CCNY: variants seen among roughly 807,000 people sequenced by gnomAD.
CCNY encodes the protein cyclin Y, also known as cyclin-Y.
In CCNY, 19 loss-of-function variants were observed where a neutral mutation model predicts 42.8. The ratio of observed to expected loss-of-function variants is 0.44; its 90% CI spans 0.31 to 0.65. The LOEUF is 0.65. Among genes scored for constraint, CCNY ranks in the 30% least tolerant of loss-of-function variants. The pLI, the probability that CCNY is intolerant of heterozygous loss-of-function variation, is 0.07. For missense variants in CCNY, 370 were observed against 437.3 expected (o/e 0.85, Z 1.37); for synonymous variants, 165 against 162.7 (o/e 1.01, Z -0.11).
At chr10:35,430,148 T>A (rs1052568090) in intron 1 of CCNY, among the ~76,000 whole-genome samples, 2 of 151,242 alleles carry the variant, frequency 1.3e-5, no homozygotes, top group African/African-American at 4.9e-5. Context: ...CCATCCCGGC[T>A]AAAACGGTGA....
chr10:35,507,786 G>A (rs1840244089), intron 3 of CCNY, among the ~76,000 whole-genome samples: 1 of 88,350 alleles, frequency 1.1e-5, no homozygotes, highest in South Asian at 7.1e-4. Context: ...GAAGAATACA[G>A]GGCCAGTTTT....
intron 3 of CCNY, among the ~76,000 whole-genome samples, chr10:35,501,942 A>C (rs1840118922): frequency 6.6e-6 from 1 of 152,186 alleles, no homozygotes; most frequent in South Asian, 2.1e-4. Context: ...CTCTGTCTCC[A>C]CACTTGACTC....
chr10:35,557,711 G>A (rs549625308), intron 8 of CCNY, among the ~76,000 whole-genome samples: 5 of 152,210 alleles, frequency 3.3e-5, no homozygotes, highest in African/African-American at 9.6e-5. Context: ...AGCCGAGATC[G>A]TGCCACCGCA....
chr10:35,293,986 C>T (rs1835444189), intron 3 of CCNY, among the ~76,000 whole-genome samples: 1 of 152,054 alleles, frequency 6.6e-6, no homozygotes, highest in Non-Finnish European at 1.5e-5. Flanking sequence ...GACAGGCTTT[C>T]ACCATGTTGG....
chr10:35,275,650 C>T (rs978859465), intron 3 of CCNY, among the ~76,000 whole-genome samples: 4 of 151,966 alleles, frequency 2.6e-5, no homozygotes, highest in Non-Finnish European at 5.9e-5. Context: ...ATAATCCCAG[C>T]TACTTGGGAG....
At chr10:35,318,888 G>T (rs1835791143) in intron 3 of CCNY, among the ~76,000 whole-genome samples, 1 of 152,050 alleles carries the variant, frequency 6.6e-6, no homozygotes. Context: ...TTGAGACGTG[G>T]TCTCACTCTG....
At chr10:35,312,496 A>G (rs1835699271) in intron 3 of CCNY, among the ~76,000 whole-genome samples, 1 of 151,910 alleles carries the variant, frequency 6.6e-6, no homozygotes, top group Non-Finnish European at 1.5e-5. Context: ...CTCACACCCA[A>G]TTCAGGGCAC....
chr10:35,394,082 G>C (rs564256855), intron 1 of CCNY, among the ~76,000 whole-genome samples: 1 of 152,308 alleles, frequency 6.6e-6, no homozygotes, highest in East Asian at 1.9e-4. Flanking sequence ...ACTCTCCAGT[G>C]CTCCGTGCAA....
chr10:35,352,826 G>A (rs182995665), intron 1 of CCNY, among the ~76,000 whole-genome samples: 521 of 152,100 alleles, frequency 3.4e-3, no homozygotes, highest in Middle Eastern at 0.022. Flanking sequence ...AGTGGTGAAG[G>A]GGGTGGGGCA....
At chr10:35,514,075 CAAAAAAAAAA>C (rs11451104) in intron 3 of CCNY, among the ~76,000 whole-genome samples, 27 of 76,190 alleles carry the variant, frequency 3.5e-4, no homozygotes, top group African/African-American at 1.2e-3. Context: ...AGGACCAGTT[CAAAAAAAAAA>C]AAAAAAAAAA....
intron 1 of CCNY, among the ~76,000 whole-genome samples, chr10:35,427,403 CT>C (rs141161258): frequency 0.015 from 2,284 of 152,318 alleles, 45 homozygotes; most frequent in East Asian, 0.055. Context: ...TTTTTTAAAA[CT>C]TCCTAGGTGA....
rs114489914 is a variant in CCNY at position 35,307,163 on chromosome 10, A to G, written c.-9+56537A>G. Among the ~76,000 whole-genome samples, 346 of 152,296 alleles carry G rather than the reference A, an allele frequency of 2.3e-3. 1 individual carries two copies. Among genetic ancestry groups the G allele is most frequent in the African/African-American group, 7.8e-3 (326 of 41,558 alleles). On this transcript the variant is annotated intron_variant, in intron 3 of 11. Transcript: ENST00000374706. Reference sequence around the variant, plus strand: ...TCATAACTCAGGGATGACGACAGCAAGCTCCCTCATCAGGCTGTGGTGCGG... The same window carrying G: ...TCATAACTCAGGGATGACGACAGCAGGCTCCCTCATCAGGCTGTGGTGCGG...
intron 2 of CCNY, among the ~76,000 whole-genome samples, chr10:35,248,798 C>A (rs1183789895): frequency 1.3e-5 from 2 of 152,278 alleles, no homozygotes; most frequent in Non-Finnish European, 2.9e-5. Flanking sequence ...GTGCTCATGC[C>A]ACCACACTCC....
chr10:35,523,176 C>G (rs1249903246), intron 4 of CCNY, among the ~76,000 whole-genome samples: 1 of 152,170 alleles, frequency 6.6e-6, no homozygotes, highest in Non-Finnish European at 1.5e-5. Flanking sequence ...TCGGGTGAAG[C>G]TGGTTTTTCC....
chr10:35,354,478 C>T (rs1185429130), intron 1 of CCNY, among the ~76,000 whole-genome samples: 1 of 152,188 alleles, frequency 6.6e-6, no homozygotes, highest in Non-Finnish European at 1.5e-5. Context: ...AGTCACCGCA[C>T]CTGGCTGGAA....
chr10:35,342,385 G>A (rs991610554), intron 1 of CCNY, among the ~76,000 whole-genome samples: 1 of 152,196 alleles, frequency 6.6e-6, no homozygotes, highest in Admixed American at 6.5e-5. Context: ...CAAGGTATGT[G>A]GAGACACCCC....
In CCNY at chr10:35,566,004, T is replaced by C. The variant is rs1178525763; in HGVS notation, c.747-19T>C. On this transcript the variant is annotated intron_variant, in intron 8 of 9. Transcript: ENST00000374704. ...GGTGTGGCAGCTAAGCATAGGCTAT[T>C]TTTGTCTTTGCTTTGCAGGAACGAG... 6.2e-7 allele frequency: 1 copy of C among 1,608,118 alleles called. No individual in the cohort carries two copies. The highest frequency in any genetic ancestry group is 1.7e-5 in the Admixed American group (1 of 59,322).
chr10:35,258,418 G>A (rs1261831321), intron 3 of CCNY, among the ~76,000 whole-genome samples: 2 of 152,158 alleles, frequency 1.3e-5, no homozygotes, highest in African/African-American at 4.8e-5. Flanking sequence ...TGACTCCCAA[G>A]GGGGAAAGAA....
intron 2 of CCNY, among the ~76,000 whole-genome samples, chr10:35,498,845 GGCCCCAGGA>G (rs773282936): frequency 6.6e-6 from 1 of 152,202 alleles, no homozygotes; most frequent in Non-Finnish European, 1.5e-5. Context: ...ACCTGATTCA[GGCCCCAGGA>G]GCCCCAGGTT....
Sources: allele counts gnomAD v4.1 joint callset (sites outside exome capture counted in the v4.1 genomes callset), GRCh38; gene constraint gnomAD v4.1.1; transcripts MANE v1.5; gene names NCBI Gene and HGNC (gene_info 2026-07-23, HGNC 2026-07-21).